NREP: variants seen among roughly 807,000 people sequenced by gnomAD.
NREP encodes the protein neuronal regeneration-related protein.
Under a neutral mutation model 8.6 loss-of-function variants are expected in NREP, and 5 were observed. That is an observed-to-expected ratio of 0.58 (90% CI 0.30 to 1.22). The LOEUF (loss-of-function observed/expected upper bound fraction) is 1.22, where lower values mean the gene tolerates loss of function less well. Among genes scored for constraint, NREP ranks in the 50% most tolerant of loss-of-function variants. The pLI is 0.07. For missense variants in NREP, 86 were observed against 82.5 expected (o/e 1.04, Z -0.17); for synonymous variants, 27 against 28.0 (o/e 0.96, Z 0.11).
intron 2 of NREP, among the ~76,000 whole-genome samples, chr5:111,826,190 G>C (rs569585613): frequency 6.6e-6 from 1 of 152,212 alleles, no homozygotes; most frequent in Non-Finnish European, 1.5e-5. Context: ...CTAGCTAAAG[G>C]TTCGTAAACG....
At chr5:111,796,978 C>T (rs1222933768) in intron 2 of NREP, among the ~76,000 whole-genome samples, 2 of 151,922 alleles carry the variant, frequency 1.3e-5, no homozygotes, top group African/African-American at 4.8e-5. Context: ...ACCAATGGGG[C>T]CCATACTGCT....
At chr5:111,765,222 A>G (rs1002246335) in intron 2 of NREP, among the ~76,000 whole-genome samples, 5 of 152,198 alleles carry the variant, frequency 3.3e-5, no homozygotes, top group African/African-American at 1.2e-4. Flanking sequence ...TGCAGTTCAC[A>G]GTAGGGTTCA....
chr5:111,736,429 T>C (rs1007265874), intron 2 of NREP, among the ~76,000 whole-genome samples: 1 of 152,206 alleles, frequency 6.6e-6, no homozygotes, highest in Non-Finnish European at 1.5e-5. Context: ...CCAGATCAGA[T>C]TCTCCAAATT....
intron 2 of NREP, among the ~76,000 whole-genome samples, chr5:111,830,998 G>A (rs1752754550): frequency 6.6e-6 from 1 of 152,102 alleles, no homozygotes; most frequent in Non-Finnish European, 1.5e-5. Flanking sequence ...CTCCTATATG[G>A]GAAGAGCAAC....
chr5:111,825,629 G>A (rs139359137), intron 2 of NREP, among the ~76,000 whole-genome samples: 298 of 152,246 alleles, frequency 2.0e-3, no homozygotes, highest in African/African-American at 6.5e-3. Flanking sequence ...TGGATACTGC[G>A]TAGTCAGGAA....
intron 2 of NREP, among the ~76,000 whole-genome samples, chr5:111,917,630 C>A (rs1755100232): frequency 6.6e-6 from 1 of 152,146 alleles, no homozygotes; most frequent in Non-Finnish European, 1.5e-5. Flanking sequence ...TCCATAGATG[C>A]AGAAAAGGCC....
At chr5:111,847,963 A>G (rs186627906) in intron 2 of NREP, among the ~76,000 whole-genome samples, 25 of 152,302 alleles carry the variant, frequency 1.6e-4, no homozygotes, top group Admixed American at 1.6e-3. Context: ...ACATTGCCAA[A>G]GATTCAAGAC....
At chr5:111,951,607 G>A (rs1183686670) in intron 2 of NREP, among the ~76,000 whole-genome samples, 1 of 151,976 alleles carries the variant, frequency 6.6e-6, no homozygotes, top group East Asian at 1.9e-4. Context: ...TATAAACTTA[G>A]CAGTCACATA....
At chr5:111,965,201 A>G (rs1354282685) in intron 2 of NREP, among the ~76,000 whole-genome samples, 1 of 152,158 alleles carries the variant, frequency 6.6e-6, no homozygotes, top group African/African-American at 2.4e-5. Context: ...TTGGTATAAG[A>G]AAACCTTTCC....
chr5:111,895,585 A>G (rs1290302741), intron 2 of NREP, among the ~76,000 whole-genome samples: 1 of 152,096 alleles, frequency 6.6e-6, no homozygotes, highest in East Asian at 1.9e-4. Flanking sequence ...GCAGGCAGGG[A>G]TAAGAGAGTT....
intron 2 of NREP, among the ~76,000 whole-genome samples, chr5:111,818,921 A>G (rs1461867669): frequency 6.6e-6 from 1 of 152,238 alleles, no homozygotes; most frequent in Non-Finnish European, 1.5e-5. Flanking sequence ...TAAACCTACA[A>G]TGCATAAAAC....
At chr5:111,843,745 G>T (rs1753089689) in intron 2 of NREP, among the ~76,000 whole-genome samples, 1 of 152,104 alleles carries the variant, frequency 6.6e-6, no homozygotes, top group African/African-American at 2.4e-5. Flanking sequence ...AGAGATTCTG[G>T]AAGTGTTGGA....
At chr5:111,941,729 T>A (rs1270875156) in intron 2 of NREP, among the ~76,000 whole-genome samples, 4 of 152,102 alleles carry the variant, frequency 2.6e-5, no homozygotes, top group Non-Finnish European at 5.9e-5. Context: ...ATGGGATTGA[T>A]AATAAAAGCT....
At chr5:111,915,770 G>A (rs539666048) in intron 2 of NREP, among the ~76,000 whole-genome samples, 1 of 152,190 alleles carries the variant, frequency 6.6e-6, no homozygotes, top group African/African-American at 2.4e-5. Context: ...CATTTTCACT[G>A]TTTTCTGTTA....
At chr5:111,772,554 T>C (rs1255020210) in intron 2 of NREP, among the ~76,000 whole-genome samples, 3 of 152,072 alleles carry the variant, frequency 2.0e-5, no homozygotes, top group Non-Finnish European at 1.5e-5. Context: ...TTTATGCACC[T>C]GAGAAGCATC....
At chr5:111,752,321 C>A (rs938440589) in intron 2 of NREP, among the ~76,000 whole-genome samples, 1 of 152,116 alleles carries the variant, frequency 6.6e-6, no homozygotes, top group African/African-American at 2.4e-5. Context: ...ATAGACTATC[C>A]CAACTGTCCT....
intron 2 of NREP, among the ~76,000 whole-genome samples, chr5:111,953,244 C>G (rs1414185988): frequency 6.6e-6 from 1 of 152,094 alleles, no homozygotes; most frequent in Non-Finnish European, 1.5e-5. Context: ...AAAGCCCTGT[C>G]AAGCACAAAC....
Position 111,755,815 on chromosome 5 carries a change from G to C in NREP, c.-43C>G, listed in dbSNP as rs1452560590. 1.2e-6 allele frequency: 2 copies of C among 1,613,228 alleles called. No homozygotes were observed. The highest frequency in any genetic ancestry group is 1.1e-5 in the South Asian group (1 of 91,054). On this transcript the variant is annotated 5_prime_UTR_variant, in exon 2 of 4. Coordinates refer to ENST00000257435, the MANE Select transcript of NREP (RefSeq NM_004772.4). ...TGGGCTTCTATTCTCCCTCTCTTCAGTCCAGGGAGACCAACCTGCAAAATA... is the reference window on the plus strand; with the variant it reads ...TGGGCTTCTATTCTCCCTCTCTTCACTCCAGGGAGACCAACCTGCAAAATA...
At chr5:111,809,610 C>T (rs1181327445) in intron 2 of NREP, among the ~76,000 whole-genome samples, 1 of 152,054 alleles carries the variant, frequency 6.6e-6, no homozygotes, top group Non-Finnish European at 1.5e-5. Context: ...CGGGTTTTGC[C>T]TCTTCTCATG....
Sources: allele counts gnomAD v4.1 joint callset (sites outside exome capture counted in the v4.1 genomes callset), GRCh38; gene constraint gnomAD v4.1.1; transcripts MANE v1.5; gene names NCBI Gene and HGNC (gene_info 2026-07-23, HGNC 2026-07-21).